Variants in NXN observed in about 807,000 individuals in gnomAD.
NXN encodes nucleoredoxin 1.
NXN carries 16 observed loss-of-function variants against 48.6 expected under a neutral mutation model. The observed-to-expected ratio is 0.33, with a 90% CI of 0.22 to 0.50. NXN has a LOEUF of 0.50. NXN is among the 20% of genes least tolerant of loss of function. NXN has a pLI of 0.98. For synonymous variants in NXN, 281 were observed against 269.6 expected, an observed-to-expected ratio of 1.04 and a Z score of -0.41; for missense variants, 492 against 605.5, an observed-to-expected ratio of 0.81 and a Z score of 1.97.
intron 1 of NXN, among the ~76,000 whole-genome samples, chr17:884,011 G>T (rs1200710548): frequency 6.6e-6 from 1 of 152,194 alleles, no homozygotes; most frequent in Non-Finnish European, 1.5e-5. Context: ...GAGGTCAGGA[G>T]ATCGAGACCA....
Position 888,749 on chromosome 17 carries a change from G to A in NXN, c.361-62671C>T, listed in dbSNP as rs565355715. The stretch of plus-strand genomic sequence containing the variant: ...GCAGGTGGATCACCTGAGGTCAGGA[G>A]TTCGAGACCAGCCTGACCAACATGG... On this transcript the variant is annotated intron_variant, in intron 1 of 7. Coordinates refer to ENST00000336868, the MANE Select transcript of NXN (RefSeq NM_022463.5). Among the ~76,000 whole-genome samples, 149 of 151,962 alleles carry A rather than the reference G, an allele frequency of 9.8e-4. 2 individuals carry two copies. Among genetic ancestry groups the A allele is most frequent in the African/African-American group, 3.5e-3 (145 of 41,420 alleles).
intron 1 of NXN, among the ~76,000 whole-genome samples, chr17:937,874 G>T (rs2068926863): frequency 6.6e-6 from 1 of 152,258 alleles, no homozygotes; most frequent in African/African-American, 2.4e-5. Flanking sequence ...TGGGGGAATG[G>T]CTTTGAAGTC....
At chr17:972,936 C>G (rs149081357) in intron 1 of NXN, among the ~76,000 whole-genome samples, 1 of 151,148 alleles carries the variant, frequency 6.6e-6, no homozygotes, top group Non-Finnish European at 1.5e-5. Context: ...GAGGCTGAGG[C>G]AGGAGAATGG....
At chr17:855,659 G>A (rs928989174) in intron 1 of NXN, among the ~76,000 whole-genome samples, 1 of 152,194 alleles carries the variant, frequency 6.6e-6, no homozygotes, top group East Asian at 1.9e-4. Context: ...AGTTCTGGCA[G>A]CCAGATACCC....
intron 1 of NXN, among the ~76,000 whole-genome samples, chr17:861,061 G>A (rs2068035259): frequency 6.6e-6 from 1 of 152,154 alleles, no homozygotes; most frequent in African/African-American, 2.4e-5. Context: ...AAGTAAGGAA[G>A]GGCCCTGGGC....
rs1913825887 is a variant in NXN, at chr17:836,358, G to A, written c.361-10280C>T. On this transcript the variant is annotated intron_variant, in intron 1 of 7. Coordinates refer to ENST00000336868, the MANE Select transcript of NXN (RefSeq NM_022463.5). ...TGTAGGATTCATCCGCAAACTCCTT[G>A]GCCAGGTCAGCCAAGCCTTCTCGGG... 2.0e-5 allele frequency among the ~76,000 whole-genome samples: 3 copies of A among 152,164 alleles called. No individual in the cohort carries two copies. The South Asian group carries it at 6.2e-4, about 32-fold the overall frequency.
chr17:842,542 A>G lies in NXN; in HGVS notation c.361-16464T>C, dbSNP rs901869152. ...CAACCCACCTTCGAAGACGCCAACCAGAGGCACCTACGGCACATCCCGAGA... is the reference window on the plus strand; with the variant it reads ...CAACCCACCTTCGAAGACGCCAACCGGAGGCACCTACGGCACATCCCGAGA... On this transcript the variant is annotated intron_variant, in intron 1 of 7. Coordinates refer to ENST00000336868, the MANE Select transcript of NXN (RefSeq NM_022463.5). 6 of 985,300 alleles carry G rather than the reference A, an allele frequency of 6.1e-6. No homozygotes were observed. The African/African-American group carries it at 8.7e-5, about 14-fold the overall frequency. 61.0% of individuals were successfully genotyped at this position (985,300 alleles called of 1,614,324 possible).
rs1259470088 is a variant in NXN at position 830,475 on chromosome 17, C to A, written c.361-4397G>T. Among the ~76,000 whole-genome samples the A allele has an allele frequency of 6.6e-6, 1 of 152,002 alleles. No homozygotes were observed. ...GGGAGGAATGACATTTGGGCACAGA[C>A]CTCAGCAAGGAAATGGAACAAGCCA... On this transcript the variant is annotated intron_variant, in intron 1 of 7. Transcript: ENST00000336868. The surrounding 1 kb of genome is among the most constrained non-coding windows in gnomAD (Gnocchi z 4.2).
At chr17:858,662 G>A (rs2068011121) in intron 1 of NXN, among the ~76,000 whole-genome samples, 1 of 151,944 alleles carries the variant, frequency 6.6e-6, no homozygotes. Flanking sequence ...CTGGGAGGCG[G>A]AGGTTGCAGT....
At position 807,515 on chromosome 17, in the gene NXN, G is replaced by A. The variant is rs189850691; in HGVS notation, c.821-2268C>T. ...CCTCCAAGCGGCCTTTTTCCTGACT[G>A]TGGCTGCAGCCTCTTTTGAGTCCGT... is the stretch of plus-strand genomic sequence containing the variant. On this transcript the variant is annotated intron_variant, in intron 5 of 7. Coordinates refer to ENST00000336868, the MANE Select transcript of NXN (RefSeq NM_022463.5). Among the ~76,000 whole-genome samples, 628 of 152,322 alleles carry A rather than the reference G, an allele frequency of 4.1e-3. 3 individuals carry two copies. The highest frequency in any genetic ancestry group is 0.017 in the South Asian group (81 of 4,826).
chr17:972,341 G>C (rs376219651), intron 1 of NXN, among the ~76,000 whole-genome samples: 12 of 152,210 alleles, frequency 7.9e-5, no homozygotes, highest in African/African-American at 2.4e-4. Context: ...GCCAGGCGTG[G>C]TGGCTGGCGC....
At chr17:835,108 A>G (rs1055839637) in intron 1 of NXN, among the ~76,000 whole-genome samples, 2 of 151,168 alleles carry the variant, frequency 1.3e-5, no homozygotes, top group Admixed American at 6.6e-5. Context: ...GGAGATCGAG[A>G]CCATCCTGGC....
chr17:934,803 G>A lies in NXN; in HGVS notation c.360+44516C>T, dbSNP rs2068891400. On this transcript the variant is annotated intron_variant, in intron 1 of 7. Transcript: ENST00000336868. ...GCAGGAGAATCGCTTGAACCCGGGAGGCGGAGGGTGCAGTGAGCCGAGATC... is the reference window on the plus strand; with the variant it reads ...GCAGGAGAATCGCTTGAACCCGGGAAGCGGAGGGTGCAGTGAGCCGAGATC... 3.3e-5 allele frequency among the ~76,000 whole-genome samples: 5 copies of A among 151,934 alleles called. 1 individual carries two copies. In the South Asian group the frequency reaches 6.2e-4, roughly 19 times the overall value.
At chr17:948,650 G>C (rs373241872) in intron 1 of NXN, among the ~76,000 whole-genome samples, 1 of 151,976 alleles carries the variant, frequency 6.6e-6, no homozygotes. Flanking sequence ...GGTGCTTCAC[G>C]GAACAAACGC....
intron 1 of NXN, among the ~76,000 whole-genome samples, chr17:912,900 G>A (rs1295412475): frequency 2.6e-5 from 4 of 152,036 alleles, no homozygotes; most frequent in African/African-American, 7.3e-5. Flanking sequence ...CTTGCAGTGA[G>A]CCAAGATTGC....
At chr17:918,137 C>T (rs2068707496) in intron 1 of NXN, among the ~76,000 whole-genome samples, 2 of 152,124 alleles carry the variant, frequency 1.3e-5, no homozygotes, top group Non-Finnish European at 2.9e-5. Context: ...AAAAGAAACA[C>T]GAGAACACTC....
chr17:832,469 G>T (rs1239494005), intron 1 of NXN, among the ~76,000 whole-genome samples: 3 of 152,092 alleles, frequency 2.0e-5, no homozygotes, highest in Non-Finnish European at 4.4e-5. Context: ...ACAGGCGTGA[G>T]CCACCATGCC....
At chr17:820,178 T>C (rs1912744966) in intron 4 of NXN, among the ~76,000 whole-genome samples, 1 of 152,172 alleles carries the variant, frequency 6.6e-6, no homozygotes, top group African/African-American at 2.4e-5. Context: ...AGCTGAACTG[T>C]GTACCTTTGT....
chr17:947,235 G>A (rs1051982072), intron 1 of NXN, among the ~76,000 whole-genome samples: 2 of 152,088 alleles, frequency 1.3e-5, no homozygotes, highest in African/African-American at 4.8e-5. Context: ...CAGGGCCTTC[G>A]AGGTCACAAG....
Sources: gnomAD v4.1 joint callset for allele counts (sites outside exome capture counted in the v4.1 genomes callset) on GRCh38, gnomAD v4.1.1 for gene constraint, Gnocchi (gnomAD v3.1) non-coding constraint, MANE v1.5 for transcripts, NCBI Gene and HGNC (gene_info 2026-07-23, HGNC 2026-07-21) for gene names.